Variants in NCAPH2 observed in about 807,000 individuals in gnomAD.
The protein encoded by NCAPH2 is non-SMC condensin II complex subunit H2.
A neutral mutation model predicts 88.6 loss-of-function variants in NCAPH2; 56 were observed. The observed-to-expected ratio is 0.63, with a 90% confidence interval of 0.51 to 0.79. NCAPH2 has a LOEUF of 0.79. Ranked by LOEUF, NCAPH2 falls within the 30% of genes least tolerant of loss-of-function variation. NCAPH2 has a pLI of 0.00. For missense variants in NCAPH2, 794 were observed against 792.0 expected (o/e 1.00, Z -0.03); for synonymous variants, 378 against 313.6 (o/e 1.21, Z -2.17).
At position 50,522,028 on chromosome 22, in the gene NCAPH2, C is replaced by G. The variant is rs758363998; in HGVS notation, c.1151C>G (p.Pro384Arg). ...ADSRRLRRKG[P>R]SFADMEVLYW... Reference sequence around the variant, plus strand: ...AGCAGGCGGCTTCGGCGAAAGGGTCCGTCCTTTGCAGGTGAGGCTGAAGTC... The same window carrying G: ...AGCAGGCGGCTTCGGCGAAAGGGTCGGTCCTTTGCAGGTGAGGCTGAAGTC... The change falls in exon 13 of 20, where the codon CCG becomes CGG. Residue 384 changes from proline to arginine, a missense_variant. By Grantham distance (103) the Pro-to-Arg change is moderately radical (BLOSUM62 -2). Around this residue, in one of 2 missense-constraint regions of NCAPH2, gnomAD observed 735 missense variants for 696.3 expected, o/e 1.06. Transcript: ENST00000420993. 15 of 1,614,052 alleles carry G rather than the reference C, an allele frequency of 9.3e-6. No individual in the cohort carries two copies. The highest frequency in any genetic ancestry group is 1.2e-5 in the Non-Finnish European group (14 of 1,179,982).
Position 50,519,326 on chromosome 22 carries a change from A to G in NCAPH2, c.861+6A>G. Reference sequence around the variant, plus strand: ...AGTCCAGGAGCCCGCAGCAGGTGGGACCCACATGGAGGCCTGCAGAACCTG... The same window carrying G: ...AGTCCAGGAGCCCGCAGCAGGTGGGGCCCACATGGAGGCCTGCAGAACCTG... On this transcript the variant is annotated splice_donor_region_variant and intron_variant, in intron 9 of 19. Transcript: ENST00000420993. 1 of 1,609,568 alleles carries G rather than the reference A, an allele frequency of 6.2e-7. No homozygotes were observed.
At position 50,522,587 on chromosome 22, in the gene NCAPH2, TAG is replaced by T; in HGVS notation, c.1375+19_1375+20del. 1.9e-6 allele frequency: 3 copies of T among 1,613,566 alleles called. No individual in the cohort carries two copies. Among genetic ancestry groups the T allele is most frequent in the Non-Finnish European group, 2.5e-6 (3 of 1,179,926 alleles). ...TGACCTTGGTAGGTGGGCAGCGGGC[TAG>T]GAGTGCTGAGGGGCCACTGGAGCTG... is the stretch of plus-strand genomic sequence containing the variant. On this transcript the variant is annotated intron_variant, in intron 16 of 19. Coordinates refer to ENST00000420993, the MANE Select transcript of NCAPH2 (RefSeq NM_152299.4).
chr22:50,516,023 G>A (rs374907796), intron 1 of NCAPH2, among the ~76,000 whole-genome samples: 23 of 152,228 alleles, frequency 1.5e-4, no homozygotes, highest in African/African-American at 5.1e-4. Flanking sequence ...AGGAAGGATG[G>A]CGACTCACCT....
In NCAPH2 at chr22:50,524,288, C is replaced by T. The variant is rs1366092916; in HGVS notation, c.*913C>T. ...CCCTGCCCACCTGTCTCTGCAGGGC[C>T]CTGCCTTGACAAAAGCCAGGACCTC... is the stretch of plus-strand genomic sequence containing the variant. On this transcript the variant is annotated 3_prime_UTR_variant, in exon 20 of 20. Coordinates refer to ENST00000420993, the MANE Select transcript of NCAPH2 (RefSeq NM_152299.4). 6 of 1,603,234 alleles carry T rather than the reference C, an allele frequency of 3.7e-6. No individual in the cohort carries two copies. In the Admixed American group the frequency reaches 5.0e-5, roughly 13 times the overall value.
chr22:50,517,390 C>T (rs761692582), intron 2 of NCAPH2, 37 bp from the exon 3 acceptor site: 2 of 1,611,970 alleles, frequency 1.2e-6, no homozygotes, highest in African/African-American at 2.7e-5. Context: ...GTGGGCCCCT[C>T]CTTTCTGGGT....
chr22:50,520,809 C>T lies in NCAPH2; in HGVS notation c.862-156C>T, dbSNP rs1180682340. On this transcript the variant is annotated intron_variant, in intron 9 of 19. Coordinates refer to ENST00000420993, the MANE Select transcript of NCAPH2 (RefSeq NM_152299.4). ...AACTCTTGACCTCGGGTGATCTGCC[C>T]GCCTTGGCCTCCCAAAGTGCTGGGA... 6 of 745,850 alleles carry T rather than the reference C, an allele frequency of 8.0e-6. No individual in the cohort carries two copies. In the South Asian group the frequency reaches 9.6e-5, roughly 12 times the overall value. The allele number at this position is 745,850 out of a possible 1,614,324, so 46.2% of individuals were successfully genotyped here. A position where few individuals can be genotyped will look rare whatever the true frequency, so the allele number is the denominator to read the frequency against.
chr22:50,511,894 G>A (rs867664108), intron 1 of NCAPH2, among the ~76,000 whole-genome samples: 2 of 152,100 alleles, frequency 1.3e-5, no homozygotes, highest in South Asian at 4.1e-4. Context: ...TGATCCACCC[G>A]CCTCGGCCTC....
rs1239179929 is a variant in NCAPH2, at chr22:50,518,267, G to A, written c.635G>A (p.Gly212Glu). Residue 212 changes from glycine (G) to glutamate (E), a missense_variant, in exon 7 of 20, where the codon GGG (glycine) becomes GAG (glutamate). Gly to Glu is a moderately conservative substitution (Grantham distance 98, BLOSUM62 -2). Around this residue, in one of 2 missense-constraint regions of NCAPH2, gnomAD observed 735 missense variants for 696.3 expected, o/e 1.06. Coordinates refer to ENST00000420993, the MANE Select transcript of NCAPH2 (RefSeq NM_152299.4). Reference protein sequence around the residue: ...MEPAGVSPMPGTQKDTGRTEE... With the variant: ...MEPAGVSPMPETQKDTGRTEE... ...CCAGCGGGCGTTTCCCCCATGCCAG[G>A]GACCCAGAAGGGTGAGGGCTTGGAT... 6.2e-7 allele frequency: 1 copy of A among 1,612,982 alleles called. No homozygotes were observed. The highest frequency in any genetic ancestry group is 8.5e-7 in the Non-Finnish European group (1 of 1,179,880).
chr22:50,519,455 C>G (rs1268611734), intron 9 of NCAPH2, 135 bp downstream of exon 9: 26 of 1,457,134 alleles, frequency 1.8e-5, no homozygotes, highest in Non-Finnish European at 2.4e-5. Flanking sequence ...AGAAGCCCAC[C>G]TGTCTTGCAG....
chr22:50,513,300 T>C (rs556970806), intron 1 of NCAPH2, among the ~76,000 whole-genome samples: 7 of 152,208 alleles, frequency 4.6e-5, no homozygotes, highest in African/African-American at 1.7e-4. Context: ...GGCTCACGCC[T>C]GTGATCCCAG....
At chr22:50,510,148 C>T (rs373515166) in intron 1 of NCAPH2, among the ~76,000 whole-genome samples, 26 of 152,324 alleles carry the variant, frequency 1.7e-4, no homozygotes, top group African/African-American at 6.3e-4. Flanking sequence ...GTCTCGATCT[C>T]CTGACCTCGT....
At position 50,517,675 on chromosome 22, in the gene NCAPH2, G is replaced by C. The variant is rs779692981; in HGVS notation, c.351+14G>C. On this transcript the variant is annotated intron_variant, in intron 4 of 19. Coordinates refer to ENST00000420993, the MANE Select transcript of NCAPH2 (RefSeq NM_152299.4). ...GCAGAGAATGAGGTGAGTTTCTTTG[G>C]CATGTGGTCCCCGCCCACTGTGTGT... 1.2e-5 allele frequency: 19 copies of C among 1,613,998 alleles called. No individual in the cohort carries two copies. The Admixed American group carries it at 2.8e-4, about 24-fold the overall frequency.
intron 9 of NCAPH2, chr22:50,519,594 G>A: frequency 8.1e-7 from 1 of 1,239,658 alleles, no homozygotes; most frequent in Non-Finnish European, 1.0e-6. Context: ...ACGGCAACCT[G>A]GGATGGCCGC....
At chr22:50,512,063 G>A (rs1223839055) in intron 1 of NCAPH2, among the ~76,000 whole-genome samples, 2 of 152,216 alleles carry the variant, frequency 1.3e-5, no homozygotes, top group African/African-American at 2.4e-5. Context: ...TGGGATTGCA[G>A]GTGTGAGCCA....
chr22:50,520,150 G>A (rs1042732637), intron 9 of NCAPH2, among the ~76,000 whole-genome samples: 2 of 152,176 alleles, frequency 1.3e-5, no homozygotes, highest in East Asian at 1.9e-4. Context: ...GATTACAGGC[G>A]TGAGCCACCA....
chr22:50,511,883 G>C (rs1446175886), intron 1 of NCAPH2, among the ~76,000 whole-genome samples: 5 of 149,312 alleles, frequency 3.3e-5, no homozygotes, highest in African/African-American at 9.8e-5. Flanking sequence ...TCCTGACCTC[G>C]TGATCCACCC....
Position 50,524,130 on chromosome 22 carries a change from C to A in NCAPH2, c.*755C>A. Reference sequence around the variant, plus strand: ...CGCCCTGGCCCACAGCTGCCTGGCGCAGGGCTTCTGTTCGCTTTTGCTGCT... The same window carrying A: ...CGCCCTGGCCCACAGCTGCCTGGCGAAGGGCTTCTGTTCGCTTTTGCTGCT... On this transcript the variant is annotated 3_prime_UTR_variant, in exon 20 of 20. Coordinates refer to ENST00000420993, the MANE Select transcript of NCAPH2 (RefSeq NM_152299.4). The A allele has an allele frequency of 6.2e-7, 1 of 1,612,630 alleles. No homozygotes were observed. Among genetic ancestry groups the A allele is most frequent in the Non-Finnish European group, 8.5e-7 (1 of 1,180,024 alleles).
In NCAPH2 at chr22:50,524,012, G is replaced by C. The variant is rs756356011; in HGVS notation, c.*637G>C. 2 of 1,613,300 alleles carry C rather than the reference G, an allele frequency of 1.2e-6. No homozygotes were observed. Among genetic ancestry groups the C allele is most frequent in the Non-Finnish European group, 1.7e-6 (2 of 1,180,028 alleles). ...TCCAGCTCGTCTGGGCAGATGTCAG[G>C]GCAGTGAGTGAAGCCAAAGTACATC... On this transcript the variant is annotated 3_prime_UTR_variant, in exon 20 of 20. Coordinates refer to ENST00000420993, the MANE Select transcript of NCAPH2 (RefSeq NM_152299.4).
chr22:50,523,332 A>G lies in NCAPH2; in HGVS notation c.1775A>G (p.Lys592Arg). 5 of 1,572,016 alleles carry G rather than the reference A, an allele frequency of 3.2e-6. No individual in the cohort carries two copies. The highest frequency in any genetic ancestry group is 1.2e-5 in the South Asian group (1 of 86,400). ...LRLLTHQRAH[K>R]RFQTYAAPSM... The stretch of plus-strand genomic sequence containing the variant: ...CTGCTCACGCACCAGCGAGCGCACA[A>G]GCGCTTCCAGACCTACGCTGCCCCC... Residue 592 changes from lysine (K) to arginine (R), a missense_variant, in exon 20 of 20, where the codon AAG becomes AGG. Lys to Arg is a conservative substitution (Grantham distance 26). Transcript: ENST00000420993.
Sources: gnomAD v4.1 joint callset for allele counts (sites outside exome capture counted in the v4.1 genomes callset) on GRCh38, gnomAD v4.1.1 for gene constraint, gnomAD v4.1.1 regional missense constraint, MANE v1.5 for transcripts, NCBI Gene and HGNC (gene_info 2026-07-23, HGNC 2026-07-21) for gene names.